CDH13: variants seen among roughly 807,000 people sequenced by gnomAD.
CDH13 encodes cadherin 13, also known as cadherin-13.
CDH13 carries 24 observed loss-of-function variants against 63.8 expected under a neutral mutation model. The ratio of observed to expected loss-of-function variants is 0.38; its 90% CI spans 0.27 to 0.53. The LOEUF (loss-of-function observed/expected upper bound fraction) is 0.53, where lower values mean the gene tolerates loss of function less well. CDH13 is among the 20% of genes least tolerant of loss of function. CDH13 has a pLI of 0.85. For synonymous variants in CDH13, 503 were observed against 355.3 expected, an observed-to-expected ratio of 1.42 and a Z score of -4.67; for missense variants, 1,049 against 903.1, an observed-to-expected ratio of 1.16 and a Z score of -2.07.
chr16:83,098,350 A>G (rs879778988), intron 3 of CDH13, among the ~76,000 whole-genome samples: 3 of 152,174 alleles, frequency 2.0e-5, no homozygotes, highest in Non-Finnish European at 4.4e-5. Context: ...TGTAAACTCT[A>G]CATTACATTG....
intron 7 of CDH13, among the ~76,000 whole-genome samples, chr16:83,565,720 T>A (rs1352118120): frequency 6.6e-6 from 1 of 152,202 alleles, no homozygotes; most frequent in Non-Finnish European, 1.5e-5. Flanking sequence ...TTCAGGCTTA[T>A]GACTTTTCTT....
intron 10 of CDH13, among the ~76,000 whole-genome samples, chr16:83,728,414 G>C (rs1255230247): frequency 6.6e-6 from 1 of 151,800 alleles, no homozygotes; most frequent in Non-Finnish European, 1.5e-5. Flanking sequence ...AAAAGGTCTT[G>C]ACAAACAACA....
intron 6 of CDH13, among the ~76,000 whole-genome samples, chr16:83,466,881 A>C (rs953737877): frequency 1.3e-5 from 2 of 152,196 alleles, no homozygotes; most frequent in Non-Finnish European, 2.9e-5. Flanking sequence ...AAGAAGATTA[A>C]GTCTTCCATG....
In CDH13 at chr16:83,551,094, A is replaced by ATCTATCTG. The variant is rs1227835134; in HGVS notation, c.961-51357_961-51356insATCTGTCT. On this transcript the variant is annotated intron_variant, in intron 7 of 13. Coordinates refer to ENST00000567109, the MANE Select transcript of CDH13 (RefSeq NM_001257.5). The stretch of plus-strand genomic sequence containing the variant: ...TATCTATCTATCTATCTATCTATCT[A>ATCTATCTG]TCTTTGAGACAGCTTCTCACTCCAT... 4.5e-3 allele frequency among the ~76,000 whole-genome samples: 681 copies of ATCTATCTG among 150,748 alleles called. 7 individuals are homozygous for ATCTATCTG. Among genetic ancestry groups the ATCTATCTG allele is most frequent in the African/African-American group, 0.015 (631 of 41,002 alleles).
intron 1 of CDH13, among the ~76,000 whole-genome samples, chr16:82,797,033 G>A (rs773319409): frequency 2.0e-5 from 3 of 152,162 alleles, no homozygotes; most frequent in Admixed American, 1.3e-4. Context: ...CATTGCATAC[G>A]ATTCTTCCAT....
At chr16:83,022,325 T>A (rs548854743) in intron 2 of CDH13, among the ~76,000 whole-genome samples, 1 of 152,338 alleles carries the variant, frequency 6.6e-6, no homozygotes, top group East Asian at 1.9e-4. Flanking sequence ...AATACCAGGA[T>A]AGCTGGGTCT....
intron 7 of CDH13, among the ~76,000 whole-genome samples, chr16:83,545,698 C>A (rs1370654915): frequency 6.6e-6 from 1 of 152,198 alleles, no homozygotes; most frequent in African/African-American, 2.4e-5. Flanking sequence ...CAGTTCCTCT[C>A]CCTGCCGTAT....
At chr16:83,348,590 A>G (rs1022587076) in intron 6 of CDH13, among the ~76,000 whole-genome samples, 3 of 152,234 alleles carry the variant, frequency 2.0e-5, no homozygotes, top group Admixed American at 1.3e-4. Context: ...ATTGTTGAAC[A>G]AGGTGTCTGC....
chr16:82,834,715 C>T (rs917002852), intron 1 of CDH13, among the ~76,000 whole-genome samples: 8 of 152,318 alleles, frequency 5.3e-5, no homozygotes, highest in African/African-American at 1.9e-4. Flanking sequence ...CAGAAGTGAG[C>T]TTGCTGGGTC....
chr16:82,824,822 A>G (rs1305785052), intron 1 of CDH13: 2 of 151,992 alleles, frequency 1.3e-5, no homozygotes, highest in Admixed American at 1.3e-4. Flanking sequence ...ATAGACTGCA[A>G]AAAAATTTGT....
At chr16:82,828,989 A>G (rs1007216498) in intron 1 of CDH13, among the ~76,000 whole-genome samples, 4 of 152,160 alleles carry the variant, frequency 2.6e-5, no homozygotes, top group African/African-American at 9.7e-5. Flanking sequence ...TGAACACAAG[A>G]TTAGATACCT....
At chr16:82,689,392 CATT>C (rs1407597443) in intron 1 of CDH13, among the ~76,000 whole-genome samples, 1 of 152,046 alleles carries the variant, frequency 6.6e-6, no homozygotes, top group Non-Finnish European at 1.5e-5. Flanking sequence ...CATTTGGGTC[CATT>C]ATTAAGACTA....
intron 1 of CDH13, among the ~76,000 whole-genome samples, chr16:82,856,760 A>G (rs931787691): frequency 1.7e-4 from 25 of 151,278 alleles, no homozygotes; most frequent in East Asian, 1.9e-4. Flanking sequence ...AAAAATACCA[A>G]TAGGGAATGA....
At chr16:83,706,514 TC>T (rs1907079171) in intron 10 of CDH13, among the ~76,000 whole-genome samples, 1 of 152,176 alleles carries the variant, frequency 6.6e-6, no homozygotes, top group Non-Finnish European at 1.5e-5. Context: ...GAGTTCAGAT[TC>T]CAGCTTCATT....
At chr16:83,651,023 C>A (rs1261427251) in intron 8 of CDH13, among the ~76,000 whole-genome samples, 1 of 151,908 alleles carries the variant, frequency 6.6e-6, no homozygotes, top group Non-Finnish European at 1.5e-5. Flanking sequence ...CTCCATTGAG[C>A]CCGGGAGGTC....
At chr16:83,197,099 C>G (rs1215982274) in intron 4 of CDH13, among the ~76,000 whole-genome samples, 2 of 152,084 alleles carry the variant, frequency 1.3e-5, no homozygotes, top group African/African-American at 4.8e-5. Flanking sequence ...TGAAATATGG[C>G]TCAGCAATAA....
chr16:82,839,111 T>A (rs1344565329), intron 1 of CDH13, among the ~76,000 whole-genome samples: 1 of 152,180 alleles, frequency 6.6e-6, no homozygotes, highest in African/African-American at 2.4e-5. Context: ...GGTTTGCCAA[T>A]CAATGGTTTA....
At chr16:82,875,230 G>T (rs2151194785) in intron 2 of CDH13, among the ~76,000 whole-genome samples, 2 of 152,310 alleles carry the variant, frequency 1.3e-5, no homozygotes, top group South Asian at 4.1e-4. Flanking sequence ...TTCATGATGT[G>T]CAGTTTTGAT....
At chr16:83,423,099 A>G (rs1453748081) in intron 6 of CDH13, among the ~76,000 whole-genome samples, 1 of 152,138 alleles carries the variant, frequency 6.6e-6, no homozygotes, top group Non-Finnish European at 1.5e-5. Flanking sequence ...AACTCACTGG[A>G]AATGTGTTTC....
Sources: gnomAD v4.1 joint callset for allele counts (sites outside exome capture counted in the v4.1 genomes callset) on GRCh38, gnomAD v4.1.1 for gene constraint, MANE v1.5 for transcripts, NCBI Gene and HGNC (gene_info 2026-07-23, HGNC 2026-07-21) for gene names.